Variants in PARP4 observed in about 807,000 individuals in gnomAD.
The protein encoded by PARP4 is protein mono-ADP-ribosyltransferase PARP4.
Under a neutral mutation model 187.7 loss-of-function variants are expected in PARP4, and 120 were observed. The ratio of observed to expected loss-of-function variants is 0.64; its 90% CI spans 0.55 to 0.74. The LOEUF (loss-of-function observed/expected upper bound fraction) is 0.74, where lower values mean the gene tolerates loss of function less well. Ranked by LOEUF, PARP4 falls within the 30% of genes least tolerant of loss-of-function variation. The probability of loss-of-function intolerance (pLI) is 0.00; values close to 1 mark genes in which losing one functional copy is unlikely to be tolerated. For synonymous variants in PARP4, 654 were observed against 740.9 expected (o/e 0.88, Z 1.90); for missense variants, 1,836 against 2,070.5 (o/e 0.89, Z 2.20).
At chr13:24,483,598 G>A (rs1354049843) in intron 12 of PARP4, among the ~76,000 whole-genome samples, 1 of 151,946 alleles carries the variant, frequency 6.6e-6, no homozygotes, top group African/African-American at 2.4e-5. Flanking sequence ...AAACTCCTGA[G>A]TAGCTGGGAC....
At chr13:24,509,411 G>A (rs1869877451) in intron 1 of PARP4, among the ~76,000 whole-genome samples, 2 of 151,956 alleles carry the variant, frequency 1.3e-5, no homozygotes, top group East Asian at 2.0e-4. Context: ...GGAGACTTAG[G>A]TGGGAGGATC....
At chr13:24,450,291 C>G (rs1467768806) in intron 24 of PARP4, among the ~76,000 whole-genome samples, 1 of 150,380 alleles carries the variant, frequency 6.6e-6, no homozygotes, top group African/African-American at 2.5e-5. Flanking sequence ...TAGCAAAGAG[C>G]ATCTCTGACA....
At chr13:24,426,274 A>C (rs1870044910) in intron 33 of PARP4, among the ~76,000 whole-genome samples, 192 bp downstream of exon 33, 1 of 152,178 alleles carries the variant, frequency 6.6e-6, no homozygotes, top group South Asian at 2.1e-4. Flanking sequence ...TTTCCTGTGC[A>C]GCCCAAGGCA....
Position 24,512,697 on chromosome 13 carries a change from C to T in PARP4, c.-2+9G>A, listed in dbSNP as rs1312461154. On this transcript the variant is annotated intron_variant, in intron 1 of 33. Coordinates refer to ENST00000381989, the MANE Select transcript of PARP4 (RefSeq NM_006437.4). ...CTTTGCAGCCCCCCACCCCGCAGCGCCCACGCACCTGCCTAGAGGATCCAG... is the reference window on the plus strand; with the variant it reads ...CTTTGCAGCCCCCCACCCCGCAGCGTCCACGCACCTGCCTAGAGGATCCAG... 1 of 152,654 alleles carries T rather than the reference C, an allele frequency of 6.6e-6. No individual in the cohort carries two copies. The highest frequency in any genetic ancestry group is 1.5e-5 in the Non-Finnish European group (1 of 68,394). The allele number at this position is 152,654 out of a possible 1,614,324, so 9.5% of individuals were successfully genotyped here.
intron 1 of PARP4, among the ~76,000 whole-genome samples, chr13:24,506,240 C>T (rs1869661637): frequency 6.6e-6 from 1 of 152,036 alleles, no homozygotes; most frequent in African/African-American, 2.4e-5. Context: ...AGAGTTTGTC[C>T]GGAGTTGTTT....
intron 21 of PARP4, among the ~76,000 whole-genome samples, chr13:24,455,500 T>TC (rs1291738181): frequency 2.9e-5 from 4 of 140,070 alleles, no homozygotes; most frequent in African/African-American, 1.1e-4. Flanking sequence ...TATATATATA[T>TC]ATATATCACA....
intron 2 of PARP4, among the ~76,000 whole-genome samples, chr13:24,503,143 G>C (rs1473217861): frequency 6.6e-6 from 1 of 152,216 alleles, no homozygotes; most frequent in African/African-American, 2.4e-5. Context: ...AAGTTCAAGA[G>C]GCAGAAGGTA....
chr13:24,435,342 C>T lies in PARP4; in HGVS notation c.3799G>A (p.Gly1267Ser), dbSNP rs76817402. 2 of 1,612,584 alleles carry T rather than the reference C, an allele frequency of 1.2e-6. No individual in the cohort carries two copies. The highest frequency in any genetic ancestry group is 1.7e-6 in the Non-Finnish European group (2 of 1,179,912). The change falls in exon 31 of 34, where the codon GGT (glycine) becomes AGT (serine). Residue 1267 changes from glycine to serine, a missense_variant. Around this residue, in one of 8 missense-constraint regions of PARP4, gnomAD observed 450 missense variants for 439.2 expected, o/e 1.02. Transcript: ENST00000381989. ...TTTGATGTGAAAGCTGGTAGTACAC[C>T]TAAGCCATCCTCTTCAAAATCTTCA... ...VSEDFEEDGL[G>S]VLPAFTSNLE...
intron 32 of PARP4, among the ~76,000 whole-genome samples, 193 bp downstream of exon 32, chr13:24,431,184 C>T (rs1341298234): frequency 6.6e-6 from 1 of 152,144 alleles, no homozygotes; most frequent in Non-Finnish European, 1.5e-5. Context: ...AGATAATACC[C>T]TAATTAGTGG....
intron 12 of PARP4, among the ~76,000 whole-genome samples, chr13:24,479,424 G>C (rs1208779818): frequency 6.6e-6 from 1 of 152,152 alleles, no homozygotes; most frequent in East Asian, 1.9e-4. Flanking sequence ...TCTGGCAAAG[G>C]GGGCCCAGCT....
At chr13:24,449,249 A>G (rs555908532) in intron 25 of PARP4, among the ~76,000 whole-genome samples, 114 of 152,126 alleles carry the variant, frequency 7.5e-4, no homozygotes, top group Middle Eastern at 3.4e-3. Context: ...TTAGCCAGGC[A>G]TGGTGGCTGG....
intron 15 of PARP4, 105 bp from the exon 16 acceptor site, chr13:24,470,130 G>A: frequency 9.2e-7 from 1 of 1,090,148 alleles, no homozygotes; most frequent in Non-Finnish European, 1.3e-6. Context: ...GAATTTCCTT[G>A]AATTTGTATC....
At chr13:24,498,017 A>G (rs1309341164) in intron 6 of PARP4, 99 bp downstream of exon 6, 2 of 740,618 alleles carry the variant, frequency 2.7e-6, no homozygotes, top group Admixed American at 4.7e-5. Flanking sequence ...AGCTAAGACA[A>G]CAGGTAAGAA....
At chr13:24,431,041 C>T (rs1460531795) in intron 32 of PARP4, among the ~76,000 whole-genome samples, 1 of 152,132 alleles carries the variant, frequency 6.6e-6, no homozygotes, top group African/African-American at 2.4e-5. Flanking sequence ...TCTAAATGAC[C>T]ACATAAGTGG....
Position 24,452,521 on chromosome 13 carries a change from G to T in PARP4, c.2899C>A (p.Arg967=). ...ACCAGGAGGATGTTCCGTGACCCTC[G>T]AGCAGGGTACAATAAGCTAAGATAT... The part of the protein sequence containing the change: ...LRYLSLLYPA[R]GSRNILLVSD... Residue 967 remains arginine (R), a synonymous_variant, in exon 24 of 34, where the codon CGA becomes AGA. Transcript: ENST00000381989. The T allele has an allele frequency of 6.2e-7, 1 of 1,613,902 alleles. No homozygotes were observed. The highest frequency in any genetic ancestry group is 8.5e-7 in the Non-Finnish European group (1 of 1,179,810).
intron 32 of PARP4, among the ~76,000 whole-genome samples, chr13:24,429,549 T>TA (rs2137434564): frequency 6.6e-6 from 1 of 152,338 alleles, no homozygotes; most frequent in African/African-American, 2.4e-5. Context: ...TGTCCTGGGG[T>TA]ATAGTCCTTG....
chr13:24,436,611 A>G (rs1870651527), intron 30 of PARP4, among the ~76,000 whole-genome samples: 1 of 152,236 alleles, frequency 6.6e-6, no homozygotes. Flanking sequence ...TCCAGCCAAA[A>G]GCTTTCAAGT....
In PARP4 at chr13:24,500,355, T is replaced by A; in HGVS notation, c.362A>T (p.Asp121Val). The change falls in exon 4 of 34, where the codon GAC becomes GTC. Residue 121 changes from aspartate to valine, a missense_variant. By Grantham distance (152) the Asp-to-Val change is radical (BLOSUM62 -3). Transcript: ENST00000381989. The stretch of plus-strand genomic sequence containing the variant: ...AGTGTCTTCCTCCTCTGTGGCACTG[T>A]CCGGGCATAGACCTTCTGTTTTCAC... ...SEVKTEGLCP[D>V]SATEEEDTVE... is the part of the protein sequence containing the mutation. 6.2e-7 allele frequency: 1 copy of A among 1,605,148 alleles called. No homozygotes were observed. Among genetic ancestry groups the A allele is most frequent in the South Asian group, 1.1e-5 (1 of 89,902 alleles).
At chr13:24,438,345 C>T (rs565993304) in intron 30 of PARP4, among the ~76,000 whole-genome samples, 79 of 152,272 alleles carry the variant, frequency 5.2e-4, no homozygotes, top group Admixed American at 8.5e-4. Context: ...TGACAGGAGG[C>T]GAGCTCAGGC....
Sources: allele counts gnomAD v4.1 joint callset (sites outside exome capture counted in the v4.1 genomes callset), GRCh38; gene constraint gnomAD v4.1.1; regional missense constraint gnomAD v4.1.1; transcripts MANE v1.5; gene names NCBI Gene and HGNC (gene_info 2026-07-23, HGNC 2026-07-21).